Variants in EDIL3 observed in about 807,000 individuals in gnomAD.
EDIL3 encodes EGF like and discoidin domains 3.
A neutral mutation model predicts 67.4 loss-of-function variants in EDIL3; 37 were observed. The observed-to-expected ratio is 0.55, with a 90% CI of 0.42 to 0.72. The LOEUF (loss-of-function observed/expected upper bound fraction) is 0.72. Ranked by LOEUF, EDIL3 falls within the 30% of genes least tolerant of loss-of-function variation. The probability of loss-of-function intolerance (pLI) is 0.00; values close to 1 mark genes in which losing one functional copy is unlikely to be tolerated. For missense variants in EDIL3, 527 were observed against 586.3 expected, an observed-to-expected ratio of 0.90 and a Z score of 1.04; for synonymous variants, 195 against 196.3, an observed-to-expected ratio of 0.99 and a Z score of 0.05.
intron 3 of EDIL3, among the ~76,000 whole-genome samples, chr5:84,229,167 C>G (rs1484339856): frequency 6.6e-6 from 1 of 151,948 alleles, no homozygotes; most frequent in Non-Finnish European, 1.5e-5. Context: ...TCTTTAGTCT[C>G]TCTGGCATTT....
At chr5:84,348,925 T>C (rs1474570987) in intron 1 of EDIL3, among the ~76,000 whole-genome samples, 7 of 152,220 alleles carry the variant, frequency 4.6e-5, no homozygotes, top group African/African-American at 1.7e-4. Flanking sequence ...TCTTGGATTA[T>C]GGAAATAAAG....
At position 84,275,086 on chromosome 5, in the gene EDIL3, G is replaced by A. The variant is rs182053295; in HGVS notation, c.68-20874C>T. Among the ~76,000 whole-genome samples the A allele has an allele frequency of 9.2e-5, 14 of 152,178 alleles. No individual in the cohort carries two copies. The South Asian group carries it at 1.7e-3, about 18-fold the overall frequency. On this transcript the variant is annotated intron_variant, in intron 1 of 10. Coordinates refer to ENST00000296591, the MANE Select transcript of EDIL3 (RefSeq NM_005711.5). Reference sequence around the variant, plus strand: ...ATGACAAGTCACACAGCCAGGTGGCGGCACATTTTTGGATTGGAATCTTAA... The same window carrying A: ...ATGACAAGTCACACAGCCAGGTGGCAGCACATTTTTGGATTGGAATCTTAA...
chr5:84,374,049 G>C (rs1341385946), intron 1 of EDIL3, among the ~76,000 whole-genome samples: 2 of 152,150 alleles, frequency 1.3e-5, no homozygotes, highest in Non-Finnish European at 2.9e-5. Context: ...AGGAAGTAAA[G>C]CATGTTATGA....
At chr5:84,346,605 T>C (rs146909613) in intron 1 of EDIL3, among the ~76,000 whole-genome samples, 105 of 152,310 alleles carry the variant, frequency 6.9e-4, no homozygotes, top group African/African-American at 2.4e-3. Context: ...TTTTTTCTGT[T>C]AATAGATGTT....
At chr5:84,318,369 A>G (rs1422175875) in intron 1 of EDIL3, among the ~76,000 whole-genome samples, 5 of 152,188 alleles carry the variant, frequency 3.3e-5, no homozygotes, top group Admixed American at 2.6e-4. Context: ...AGCAAAAAGA[A>G]CAAAGCTGGA....
At chr5:84,276,254 T>C (rs1196604448) in intron 1 of EDIL3, among the ~76,000 whole-genome samples, 1 of 152,210 alleles carries the variant, frequency 6.6e-6, no homozygotes, top group Non-Finnish European at 1.5e-5. Flanking sequence ...ATGAGAAATA[T>C]GGTCCTCTTG....
intron 2 of EDIL3, among the ~76,000 whole-genome samples, chr5:84,232,309 G>A (rs1489330925): frequency 6.6e-6 from 1 of 152,152 alleles, no homozygotes; most frequent in Non-Finnish European, 1.5e-5. Context: ...GAGTTCTTTG[G>A]AAGCTTCTCC....
At chr5:84,130,846 C>A (rs1276949272) in intron 5 of EDIL3, among the ~76,000 whole-genome samples, 1 of 151,930 alleles carries the variant, frequency 6.6e-6, no homozygotes, top group African/African-American at 2.4e-5. Flanking sequence ...GTTTTGATAG[C>A]CTTTTACAAA....
intron 1 of EDIL3, among the ~76,000 whole-genome samples, chr5:84,315,430 C>T (rs1300231418): frequency 6.6e-6 from 1 of 152,106 alleles, no homozygotes; most frequent in Non-Finnish European, 1.5e-5. Context: ...AGGTCTCAGG[C>T]TTACAAATCC....
In EDIL3 at chr5:84,248,303, A is replaced by C. The variant is rs1744950833; in HGVS notation, c.196+5781T>G. ...GCTTAACTGCTCCACAGTACTTGAC[A>C]CTGCTGATTACCCACTCCTTGAGAC... On this transcript the variant is annotated intron_variant, in intron 2 of 10. Transcript: ENST00000296591. Among the ~76,000 whole-genome samples, 3 of 152,278 alleles carry C rather than the reference A, an allele frequency of 2.0e-5. No homozygotes were observed. The South Asian group carries it at 6.2e-4, about 32-fold the overall frequency.
intron 1 of EDIL3, among the ~76,000 whole-genome samples, chr5:84,267,240 T>C (rs769872581): frequency 6.6e-6 from 1 of 152,226 alleles, no homozygotes; most frequent in Non-Finnish European, 1.5e-5. Flanking sequence ...AATATTGTTG[T>C]GTATTGCCCA....
chr5:84,230,866 C>A (rs1216743346), intron 2 of EDIL3, among the ~76,000 whole-genome samples: 1 of 151,122 alleles, frequency 6.6e-6, no homozygotes, highest in African/African-American at 2.4e-5. Context: ...GGTAAGGACA[C>A]CGGAACCTGC....
intron 1 of EDIL3, among the ~76,000 whole-genome samples, chr5:84,307,094 G>C (rs1348045334): frequency 6.6e-6 from 1 of 152,138 alleles, no homozygotes; most frequent in Non-Finnish European, 1.5e-5. Context: ...GATCTAGTTA[G>C]GAAGGTACAA....
intron 8 of EDIL3, 48 bp from the exon 9 acceptor site, chr5:84,060,532 GGA>G: frequency 6.3e-7 from 1 of 1,598,828 alleles, no homozygotes; most frequent in South Asian, 1.1e-5. Flanking sequence ...TTGATCACCT[GGA>G]ACTTTTCTGC....
At chr5:84,186,649 C>T (rs1368581005) in intron 3 of EDIL3, among the ~76,000 whole-genome samples, 1 of 151,950 alleles carries the variant, frequency 6.6e-6, no homozygotes, top group South Asian at 2.1e-4. Context: ...TAAGAATCGG[C>T]CATATTCTTA....
At chr5:84,255,758 T>A (rs1323445660) in intron 1 of EDIL3, among the ~76,000 whole-genome samples, 1 of 152,150 alleles carries the variant, frequency 6.6e-6, no homozygotes, top group Non-Finnish European at 1.5e-5. Context: ...CACACTAAGA[T>A]GATAGATTAA....
At chr5:84,249,377 TTCTA>T (rs72278901) in intron 2 of EDIL3, among the ~76,000 whole-genome samples, 67,984 of 144,002 alleles carry the variant, frequency 0.47, 16,139 homozygotes, top group Admixed American at 0.52. Flanking sequence ...CAACATATCT[TTCTA>T]TCTATCTATC....
At chr5:84,366,321 T>C (rs1035625066) in intron 1 of EDIL3, among the ~76,000 whole-genome samples, 15 of 152,168 alleles carry the variant, frequency 9.9e-5, no homozygotes, top group African/African-American at 3.6e-4. Flanking sequence ...GATATGGTTC[T>C]ATGCACTTAA....
intron 1 of EDIL3, among the ~76,000 whole-genome samples, chr5:84,255,850 T>C (rs1392757746): frequency 6.6e-6 from 1 of 152,170 alleles, no homozygotes; most frequent in Non-Finnish European, 1.5e-5. Flanking sequence ...TACCAAAGAA[T>C]TTAGCGTGGC....
Sources: gnomAD v4.1 joint callset for allele counts (sites outside exome capture counted in the v4.1 genomes callset) on GRCh38, gnomAD v4.1.1 for gene constraint, MANE v1.5 for transcripts, NCBI Gene and HGNC (gene_info 2026-07-23, HGNC 2026-07-21) for gene names.